Variants in ADAM28 observed in about 807,000 individuals in gnomAD.
ADAM28 encodes the protein disintegrin and metalloproteinase domain-containing protein 28.
In ADAM28, 105 loss-of-function variants were observed where a neutral mutation model predicts 101.2. The ratio of observed to expected loss-of-function variants is 1.04; its 90% CI spans 0.89 to 1.22. ADAM28 has a LOEUF of 1.22. Ranked by LOEUF, ADAM28 falls within the 50% of genes most tolerant of loss-of-function variation. The pLI, the probability that ADAM28 is intolerant of heterozygous loss-of-function variation, is 0.00. For missense variants in ADAM28, 1,028 were observed against 945.4 expected (o/e 1.09, Z -1.15); for synonymous variants, 322 against 310.6 (o/e 1.04, Z -0.39).
chr8:24,323,075 G>T (rs1390853403), intron 8 of ADAM28, among the ~76,000 whole-genome samples: 3 of 151,882 alleles, frequency 2.0e-5, no homozygotes, highest in Non-Finnish European at 4.4e-5. Flanking sequence ...CACAGTTCTG[G>T]GGGCTTGGAA....
At chr8:24,353,986 A>G (rs1816482557) in intron 22 of ADAM28, among the ~76,000 whole-genome samples, 154 bp downstream of exon 22, 1 of 151,908 alleles carries the variant, frequency 6.6e-6, no homozygotes, top group Non-Finnish European at 1.5e-5. Context: ...ATTTCTCGGT[A>G]TGGCCAATAA....
At chr8:24,298,820 G>C (rs946783919) in intron 1 of ADAM28, among the ~76,000 whole-genome samples, 35 of 152,188 alleles carry the variant, frequency 2.3e-4, no homozygotes, top group Admixed American at 2.3e-3. Flanking sequence ...ACAGAGCAGA[G>C]ACTAGACCAC....
In ADAM28 at chr8:24,335,584, T is replaced by G; in HGVS notation, c.1510T>G (p.Cys504Gly). The stretch of plus-strand genomic sequence containing the variant: ...CCCTTGCCATCACGGGAAGGGCCAC[T>G]GCTTGATGGGGACATGCCCCACACT... ...GFPCHHGKGH[C>G]LMGTCPTLQE... The change falls in exon 14 of 23, where the codon TGC becomes GGC. Residue 504 changes from cysteine to glycine, a missense_variant. Transcript: ENST00000265769. The G allele has an allele frequency of 6.2e-7, 1 of 1,613,778 alleles. No homozygotes were observed. The highest frequency in any genetic ancestry group is 8.5e-7 in the Non-Finnish European group (1 of 1,179,828).
At position 24,331,332 on chromosome 8, in the gene ADAM28, G is replaced by A. The variant is rs1813332636; in HGVS notation, c.1281+5G>A. On this transcript the variant is annotated splice_donor_5th_base_variant and intron_variant, in intron 12 of 22. Coordinates refer to ENST00000265769, the MANE Select transcript of ADAM28 (RefSeq NM_014265.6). ...TGTGATTGTGGGACATCTGAGGTAT[G>A]GCCAATCACTTTCTAAAACGATCTA... 1.9e-6 allele frequency: 3 copies of A among 1,585,130 alleles called. No homozygotes were observed. The highest frequency in any genetic ancestry group is 2.7e-5 in the African/African-American group (2 of 73,362).
intron 6 of ADAM28, among the ~76,000 whole-genome samples, chr8:24,318,104 G>A (rs1359667925): frequency 6.6e-5 from 10 of 151,986 alleles, no homozygotes; most frequent in South Asian, 4.1e-4. Context: ...ACCGGTTACA[G>A]CTTGATGTTT....
chr8:24,335,888 T>G, intron 14 of ADAM28: 2 of 1,201,770 alleles, frequency 1.7e-6, no homozygotes. Context: ...TTGTTTTTTG[T>G]CTCAGCATCA....
chr8:24,310,409 T>A, intron 4 of ADAM28, 168 bp downstream of exon 4: 1 of 638,138 alleles, frequency 1.6e-6, no homozygotes, highest in Non-Finnish European at 2.5e-6. Flanking sequence ...GAAAATCAAT[T>A]AACAAGAACA....
At position 24,294,139 on chromosome 8, in the gene ADAM28, A is replaced by G. The variant is rs1449617835; in HGVS notation, c.-11A>G. 6.2e-7 allele frequency: 1 copy of G among 1,613,990 alleles called. No homozygotes were observed. The highest frequency in any genetic ancestry group is 1.3e-5 in the African/African-American group (1 of 74,922). ...AGAAGAGCAGACACCGTGCTCCTGG[A>G]ATCACCCAGCATGTTGCAAGGTCTC... On this transcript the variant is annotated 5_prime_UTR_variant, in exon 1 of 23. Transcript: ENST00000265769.
intron 2 of ADAM28, among the ~76,000 whole-genome samples, chr8:24,301,141 G>A (rs1585500016): frequency 6.6e-6 from 1 of 152,296 alleles, no homozygotes; most frequent in East Asian, 1.9e-4. Context: ...CACACTCGGT[G>A]CACATATTCC....
chr8:24,337,918 A>G (rs1241260329), intron 14 of ADAM28, among the ~76,000 whole-genome samples: 4 of 152,248 alleles, frequency 2.6e-5, no homozygotes, highest in Non-Finnish European at 5.9e-5. Context: ...TTAACTCATT[A>G]GCAATATACA....
Position 24,313,193 on chromosome 8 carries a change from T to G in ADAM28, c.384-195T>G, listed in dbSNP as rs529078865. 5.3e-5 allele frequency among the ~76,000 whole-genome samples: 8 copies of G among 152,336 alleles called. No individual in the cohort carries two copies. The South Asian group carries it at 1.7e-3, about 32-fold the overall frequency. On this transcript the variant is annotated intron_variant, in intron 5 of 22. Coordinates refer to ENST00000265769, the MANE Select transcript of ADAM28 (RefSeq NM_014265.6). ...TCACTTCTCCTTAATATGTCTTATTTCCTTGTAGAAAATAAGTTTAGATAA... is the reference window on the plus strand; with the variant it reads ...TCACTTCTCCTTAATATGTCTTATTGCCTTGTAGAAAATAAGTTTAGATAA...
chr8:24,318,893 A>C (rs1042461940), intron 6 of ADAM28, among the ~76,000 whole-genome samples: 14 of 151,850 alleles, frequency 9.2e-5, no homozygotes, highest in African/African-American at 3.4e-4. Context: ...ACTCCACACA[A>C]TCAATCCAGT....
At chr8:24,339,194 TTGTA>T (rs1479029713) in intron 14 of ADAM28, among the ~76,000 whole-genome samples, 2 of 152,100 alleles carry the variant, frequency 1.3e-5, no homozygotes, top group Admixed American at 1.3e-4. Flanking sequence ...ATGCCTATTT[TTGTA>T]CCTAGCACAT....
At position 24,354,466 on chromosome 8, in the gene ADAM28, T is replaced by C. The variant is rs1173690219; in HGVS notation, c.*62T>C. ...AACTTGGAAAACTGGAAAATCTGGATGGCAGAGAAATATACTATCTATCTC... is the reference window on the plus strand; with the variant it reads ...AACTTGGAAAACTGGAAAATCTGGACGGCAGAGAAATATACTATCTATCTC... On this transcript the variant is annotated 3_prime_UTR_variant, in exon 23 of 23. Transcript: ENST00000265769. 2 of 1,475,758 alleles carry C rather than the reference T, an allele frequency of 1.4e-6. No homozygotes were observed. The highest frequency in any genetic ancestry group is 1.8e-6 in the Non-Finnish European group (2 of 1,113,326). 91.4% of individuals were successfully genotyped at this position (1,475,758 alleles called of 1,614,324 possible). A position where few individuals can be genotyped will look rare whatever the true frequency, so the allele number is the denominator to read the frequency against.
intron 14 of ADAM28, among the ~76,000 whole-genome samples, chr8:24,336,805 C>T (rs1814150834): frequency 6.6e-6 from 1 of 151,442 alleles, no homozygotes; most frequent in South Asian, 2.1e-4. Context: ...TTTTAAAAAC[C>T]AGTTATTTGG....
chr8:24,336,443 C>T (rs111411091), intron 14 of ADAM28, among the ~76,000 whole-genome samples: 17,861 of 151,128 alleles, frequency 0.12, 1,133 homozygotes, highest in South Asian at 0.19. Flanking sequence ...ATTAGCCGGG[C>T]GTGCTAGTGG....
At chr8:24,351,695 A>C (rs1486243513) in intron 20 of ADAM28, among the ~76,000 whole-genome samples, 1 of 152,040 alleles carries the variant, frequency 6.6e-6, no homozygotes, top group East Asian at 1.9e-4. Flanking sequence ...TTTATAACCC[A>C]AATGTCCTAC....
intron 21 of ADAM28, among the ~76,000 whole-genome samples, chr8:24,352,787 T>G (rs1458232326): frequency 6.6e-6 from 1 of 152,156 alleles, no homozygotes; most frequent in Admixed American, 6.6e-5. Flanking sequence ...CTGAAAATGA[T>G]TTAAGTCTTT....
chr8:24,319,693 T>C (rs754209299), intron 6 of ADAM28, among the ~76,000 whole-genome samples: 8 of 151,368 alleles, frequency 5.3e-5, no homozygotes, highest in Non-Finnish European at 1.2e-4. Flanking sequence ...TTTTTTGAGA[T>C]AGAGAAAGGA....
Sources: gnomAD v4.1 joint callset for allele counts (sites outside exome capture counted in the v4.1 genomes callset) on GRCh38, gnomAD v4.1.1 for gene constraint, MANE v1.5 for transcripts, NCBI Gene and HGNC (gene_info 2026-07-23, HGNC 2026-07-21) for gene names.